Variants in CAPS2 observed in about 807,000 individuals in gnomAD.
CAPS2 encodes calcyphosin-2.
CAPS2 carries 98 observed loss-of-function variants against 86.5 expected under a neutral mutation model. The observed-to-expected ratio is 1.13, with a 90% CI of 0.96 to 1.34. The LOEUF is 1.34. Among genes scored for constraint, CAPS2 ranks in the 40% most tolerant of loss-of-function variants. The pLI, the probability that CAPS2 is intolerant of heterozygous loss-of-function variation, is 0.00. For missense variants in CAPS2, 729 were observed against 686.8 expected (o/e 1.06, Z -0.69); for synonymous variants, 210 against 225.1 (o/e 0.93, Z 0.60).
intron 1 of CAPS2, chr12:75,369,450 AAATT>A (rs1386903075): frequency 3.4e-5 from 30 of 891,680 alleles, no homozygotes; most frequent in Non-Finnish European, 3.8e-5. Flanking sequence ...AAGGTCAAAA[AAATT>A]AATTAATTAT....
intron 4 of CAPS2, chr12:75,322,957 A>G (rs779805550): frequency 7.6e-7 from 1 of 1,308,526 alleles, no homozygotes. Context: ...AAAATTGATA[A>G]GCAAATAAAT....
At chr12:75,373,805 C>T (rs1036257333) in intron 1 of CAPS2, 1 of 152,468 alleles carries the variant, frequency 6.6e-6, no homozygotes, top group Non-Finnish European at 1.5e-5. Flanking sequence ...GGGCCATGGT[C>T]ATTTGAGCCA....
intron 1 of CAPS2, among the ~76,000 whole-genome samples, chr12:75,384,942 C>A (rs771605193): frequency 6.6e-6 from 1 of 152,140 alleles, no homozygotes; most frequent in Non-Finnish European, 1.5e-5. Context: ...GAGGGCTCTG[C>A]CCTCATGAAT....
chr12:75,372,693 TGTAAA>T (rs941652980), intron 1 of CAPS2, among the ~76,000 whole-genome samples: 13 of 152,176 alleles, frequency 8.5e-5, no homozygotes, highest in African/African-American at 2.9e-4. Flanking sequence ...GCCCCAGCTC[TGTAAA>T]GTATTGTCAC....
chr12:75,305,911 A>C (rs2138674076), intron 7 of CAPS2: 1 of 908,018 alleles, frequency 1.1e-6, no homozygotes, highest in East Asian at 2.5e-5. Flanking sequence ...CAACCTCCAC[A>C]CCATGAAGTC....
At chr12:75,359,560 T>G (rs1443962123) in intron 1 of CAPS2, among the ~76,000 whole-genome samples, 2 of 152,048 alleles carry the variant, frequency 1.3e-5, no homozygotes, top group East Asian at 3.9e-4. Flanking sequence ...TTTCAAGTGC[T>G]AATAATATGG....
At chr12:75,370,538 C>A (rs2044293579) in intron 1 of CAPS2, 1 of 158,934 alleles carries the variant, frequency 6.3e-6, no homozygotes, top group Admixed American at 6.3e-5. Flanking sequence ...TGAATACCAT[C>A]AACATCATTC....
chr12:75,366,875 T>C, intron 1 of CAPS2: 2 of 701,518 alleles, frequency 2.9e-6, no homozygotes, highest in South Asian at 3.0e-5. Context: ...TAAAACTAAT[T>C]TTGTTGAGGG....
intron 1 of CAPS2, among the ~76,000 whole-genome samples, chr12:75,363,502 TGTTATTA>T (rs1209331914): frequency 1.3e-5 from 2 of 152,162 alleles, no homozygotes; most frequent in African/African-American, 4.8e-5. Flanking sequence ...ATTGACCTCT[TGTTATTA>T]GTTATTAGAA....
chr12:75,342,000 C>T (rs923731820), intron 1 of CAPS2, among the ~76,000 whole-genome samples: 2 of 152,118 alleles, frequency 1.3e-5, no homozygotes, highest in Non-Finnish European at 2.9e-5. Context: ...GCCTTGGCCT[C>T]CCAAAGTGCT....
At chr12:75,320,058 T>C (rs2040154221) in intron 5 of CAPS2, among the ~76,000 whole-genome samples, 1 of 152,092 alleles carries the variant, frequency 6.6e-6, no homozygotes, top group African/African-American at 2.4e-5. Flanking sequence ...AACTTAATAA[T>C]TTCACACCTT....
At chr12:75,276,766 C>A (rs1213894149), downstream of CAPS2, 6 of 871,332 alleles carry the variant, frequency 6.9e-6, no homozygotes, top group African/African-American at 1.1e-4. Context: ...AGCATACAAG[C>A]AAGTAACTTA....
At chr12:75,368,277 T>C (rs2044122976) in intron 1 of CAPS2, among the ~76,000 whole-genome samples, 1 of 151,746 alleles carries the variant, frequency 6.6e-6, no homozygotes, top group African/African-American at 2.4e-5. Flanking sequence ...CATTTATTTT[T>C]AGAATTGTGC....
At chr12:75,286,576 A>G (rs1042139221) in intron 14 of CAPS2, among the ~76,000 whole-genome samples, 3 of 151,892 alleles carry the variant, frequency 2.0e-5, no homozygotes, top group African/African-American at 4.8e-5. Flanking sequence ...ATGGAAAATA[A>G]TTACATTTAA....
Position 75,310,978 on chromosome 12 carries a change from C to G in CAPS2, c.659+1870G>C, listed in dbSNP as rs1004183201. 3.9e-5 allele frequency among the ~76,000 whole-genome samples: 6 copies of G among 152,266 alleles called. No individual in the cohort carries two copies. In the East Asian group the frequency reaches 1.2e-3, roughly 29 times the overall value. ...GGTCAAAATAAAAAGTAAGGCCCTT[C>G]CAGCCATGGCAAGCCTTGATAGCTA... is the stretch of plus-strand genomic sequence containing the variant. On this transcript the variant is annotated intron_variant, in intron 7 of 16. Transcript: ENST00000393284.
chr12:75,341,611 G>T, intron 1 of CAPS2, among the ~76,000 whole-genome samples: 1 of 151,548 alleles, frequency 6.6e-6, no homozygotes, highest in Non-Finnish European at 1.5e-5. Flanking sequence ...CACGCCCGCA[G>T]AATTTTTTGT....
chr12:75,338,200 A>G (rs1441753192), intron 1 of CAPS2, among the ~76,000 whole-genome samples: 1 of 152,178 alleles, frequency 6.6e-6, no homozygotes, highest in East Asian at 1.9e-4. Context: ...ATCTTCAACA[A>G]AATTATAATC....
upstream of CAPS2, chr12:75,329,872 TGGGATTCCTGGACAGGACAGGCGA>T (rs1460571646): frequency 6.5e-7 from 1 of 1,542,952 alleles, no homozygotes; most frequent in Non-Finnish European, 8.8e-7. Flanking sequence ...CCTACCTAAC[TGGGATTCCTGGACAGGACAGGCGA>T]GGGGCACAAG....
intron 1 of CAPS2, chr12:75,347,792 C>T: frequency 1.1e-6 from 1 of 895,578 alleles, no homozygotes. Flanking sequence ...ATAAGAGGAC[C>T]TTATACTAGA....
Sources: allele counts gnomAD v4.1 joint callset (sites outside exome capture counted in the v4.1 genomes callset), GRCh38; gene constraint gnomAD v4.1.1; transcripts MANE v1.5; gene names NCBI Gene and HGNC (gene_info 2026-07-23, HGNC 2026-07-21).